ATP9A: variants seen among roughly 807,000 people sequenced by gnomAD.
The protein encoded by ATP9A is probable phospholipid-transporting ATPase IIA.
ATP9A carries 52 observed loss-of-function variants against 144.1 expected under a neutral mutation model. The observed-to-expected ratio is 0.36, with a 90% CI of 0.29 to 0.45. The LOEUF (loss-of-function observed/expected upper bound fraction) is 0.45, where lower values mean the gene tolerates loss of function less well. Among genes scored for constraint, ATP9A ranks in the 20% least tolerant of loss-of-function variants. ATP9A has a pLI of 1.00. For synonymous variants in ATP9A, 582 were observed against 557.4 expected, an observed-to-expected ratio of 1.04 and a Z score of -0.62; for missense variants, 947 against 1,392.7, an observed-to-expected ratio of 0.68 and a Z score of 5.09.
At chr20:51,657,280 C>A (rs1269364276) in intron 13 of ATP9A, 130 bp from the exon 14 acceptor site, 16 of 629,224 alleles carry the variant, frequency 2.5e-5, no homozygotes, top group Non-Finnish European at 3.7e-5. Flanking sequence ...GATATATCTA[C>A]AATGATGCTG....
intron 15 of ATP9A, among the ~76,000 whole-genome samples, chr20:51,635,855 A>AGGGAGGGAGGGAG (rs2077289874): frequency 1.1e-5 from 1 of 91,422 alleles, no homozygotes; most frequent in African/African-American, 4.2e-5. Context: ...AAAGGAAGGA[A>AGGGAGGGAGGGAG]GGAGGAAGGG....
intron 15 of ATP9A, 83 bp from the exon 16 acceptor site, chr20:51,629,155 T>G (rs2077261247): frequency 1.8e-6 from 2 of 1,103,056 alleles, no homozygotes; most frequent in East Asian, 2.4e-5. Context: ...TGACAGACAG[T>G]GTACAAAGTG....
At chr20:51,615,617 C>T (rs1350404504) in intron 22 of ATP9A, among the ~76,000 whole-genome samples, 9 of 152,162 alleles carry the variant, frequency 5.9e-5, no homozygotes, top group South Asian at 4.2e-4. Flanking sequence ...AGAAAAGATG[C>T]GTTTTACTTC....
At chr20:51,635,876 GGAGGA>G (rs2077290079) in intron 15 of ATP9A, among the ~76,000 whole-genome samples, 1 of 117,590 alleles carries the variant, frequency 8.5e-6, no homozygotes, top group East Asian at 3.2e-4. Context: ...AGGGAGGGAG[GGAGGA>G]GGGGAGGGGA....
chr20:51,663,533 A>G (rs964045964), intron 13 of ATP9A, among the ~76,000 whole-genome samples: 30 of 152,172 alleles, frequency 2.0e-4, no homozygotes, highest in Non-Finnish European at 2.9e-4. Flanking sequence ...GGTGGCTCAC[A>G]CCTGTAATCC....
intron 4 of ATP9A, among the ~76,000 whole-genome samples, chr20:51,706,658 GAGAATCACTTA>G (rs1399217329): frequency 3.9e-5 from 6 of 152,196 alleles, no homozygotes. Flanking sequence ...GCTGAGGTGG[GAGAATCACTTA>G]AGTCTGGGAG....
At chr20:51,670,341 C>G (rs2077450831) in intron 12 of ATP9A, among the ~76,000 whole-genome samples, 1 of 152,200 alleles carries the variant, frequency 6.6e-6, no homozygotes, top group Non-Finnish European at 1.5e-5. Context: ...TGCCCATTAC[C>G]TAAGGTGGCC....
chr20:51,743,083 T>A (rs1442807769), intron 1 of ATP9A, among the ~76,000 whole-genome samples: 1 of 152,116 alleles, frequency 6.6e-6, no homozygotes, highest in Non-Finnish European at 1.5e-5. Flanking sequence ...TTCCCCCACA[T>A]CTGTCCAAAC....
chr20:51,604,404 G>A (rs2077155075), intron 27 of ATP9A, among the ~76,000 whole-genome samples: 1 of 152,140 alleles, frequency 6.6e-6, no homozygotes, highest in Admixed American at 6.5e-5. Context: ...AGCAAGGCAG[G>A]GCTGCACGGG....
intron 13 of ATP9A, among the ~76,000 whole-genome samples, chr20:51,659,315 G>C (rs1223874196): frequency 1.3e-5 from 2 of 152,220 alleles, no homozygotes; most frequent in Non-Finnish European, 2.9e-5. Flanking sequence ...TTAGACCATA[G>C]AAACAGAAGG....
intron 1 of ATP9A, among the ~76,000 whole-genome samples, chr20:51,767,343 A>C (rs1316643741): frequency 6.6e-6 from 1 of 152,106 alleles, no homozygotes; most frequent in Non-Finnish European, 1.5e-5. Context: ...CAGAACTCTG[A>C]TTGGCGGGTC....
chr20:51,696,140 T>G lies in ATP9A; in HGVS notation c.500A>C (p.Gln167Pro). The G allele has an allele frequency of 6.2e-7, 1 of 1,613,910 alleles. No individual in the cohort carries two copies. The highest frequency in any genetic ancestry group is 8.5e-7 in the Non-Finnish European group (1 of 1,179,754). Reference sequence around the variant, plus strand: ...GAAGATCATGTCGGCAGGGACCCGCTGGTTCTGTGTTATGAAAAGAAAGAC... The same window carrying G: ...GAAGATCATGTCGGCAGGGACCCGCGGGTTCTGTGTTATGAAAAGAAAGAC... ...VGDLIIVEKNQRVPADMIFLR... is the reference protein window; with the variant it reads ...VGDLIIVEKNPRVPADMIFLR... Residue 167 changes from glutamine (Q) to proline (P), a missense_variant, in exon 6 of 28, where the codon CAG becomes CCG. Physicochemically the swap from Gln to Pro is moderately conservative, Grantham distance 76. Coordinates refer to ENST00000338821, the MANE Select transcript of ATP9A (RefSeq NM_006045.3).
Position 51,657,033 on chromosome 20 carries a change from G to C in ATP9A, c.1411C>G (p.Pro471Ala), listed in dbSNP as rs772741106. The stretch of plus-strand genomic sequence containing the variant: ...GTCACACCGTTGGACTCATACACGG[G>C]AGTCACGTTGTGGCAGAGCGCGATG... ...KAIALCHNVT[P>A]VYESNGVTDQ... The change falls in exon 14 of 28, where the codon CCC becomes GCC. Residue 471 changes from proline (P) to alanine (A), a missense_variant. Physicochemically the swap from Pro to Ala is conservative, Grantham distance 27. Coordinates refer to ENST00000338821, the MANE Select transcript of ATP9A (RefSeq NM_006045.3). 2 of 1,614,202 alleles carry C rather than the reference G, an allele frequency of 1.2e-6. No homozygotes were observed. The highest frequency in any genetic ancestry group is 1.7e-6 in the Non-Finnish European group (2 of 1,180,038).
chr20:51,722,922 C>T (rs778003742), intron 3 of ATP9A, among the ~76,000 whole-genome samples: 1 of 152,196 alleles, frequency 6.6e-6, no homozygotes, highest in Non-Finnish European at 1.5e-5. Flanking sequence ...ATTGCAAAAT[C>T]GTGGAACCAA....
chr20:51,670,677 T>C (rs2077452144), intron 12 of ATP9A, among the ~76,000 whole-genome samples: 1 of 152,162 alleles, frequency 6.6e-6, no homozygotes, highest in Admixed American at 6.5e-5. Context: ...CTCCCAATCC[T>C]TGCTCTTCAC....
At chr20:51,694,429 G>T (rs945435447) in intron 6 of ATP9A, among the ~76,000 whole-genome samples, 1 of 152,178 alleles carries the variant, frequency 6.6e-6, no homozygotes, top group Non-Finnish European at 1.5e-5. Flanking sequence ...GAACGGGGAC[G>T]AGCACAGGTT....
rs961158465 is a variant in ATP9A, at chr20:51,609,977, C to G, written c.2636+124G>C. The stretch of plus-strand genomic sequence containing the variant: ...TAAACCATGGTGCTGGGCCTGCATT[C>G]GCTGGGGCTGGGAATCCAATGTGGC... On this transcript the variant is annotated intron_variant, in intron 24 of 27. Coordinates refer to ENST00000338821, the MANE Select transcript of ATP9A (RefSeq NM_006045.3). The G allele has an allele frequency of 1.9e-5, 15 of 800,272 alleles. No individual in the cohort carries two copies. In the African/African-American group the frequency reaches 2.2e-4, roughly 12 times the overall value. The allele number at this position is 800,272 out of a possible 1,614,324, so 49.6% of individuals were successfully genotyped here.
At chr20:51,727,418 A>G (rs1331241542) in intron 2 of ATP9A, among the ~76,000 whole-genome samples, 1 of 151,746 alleles carries the variant, frequency 6.6e-6, no homozygotes, top group Non-Finnish European at 1.5e-5. Context: ...AAACCCCATC[A>G]CTACAAAAAA....
intron 1 of ATP9A, among the ~76,000 whole-genome samples, chr20:51,759,771 G>T (rs185369370): frequency 2.1e-4 from 32 of 152,228 alleles, no homozygotes; most frequent in African/African-American, 7.2e-4. Context: ...CTTTGTCAAA[G>T]GAAGGACATT....
Sources: gnomAD v4.1 joint callset for allele counts (sites outside exome capture counted in the v4.1 genomes callset) on GRCh38, gnomAD v4.1.1 for gene constraint, MANE v1.5 for transcripts, NCBI Gene and HGNC (gene_info 2026-07-23, HGNC 2026-07-21) for gene names.